Variants in ABCC4 observed in about 807,000 individuals in gnomAD.
ABCC4 encodes ATP-binding cassette sub-family C member 4.
A neutral mutation model predicts 168.5 loss-of-function variants in ABCC4; 102 were observed. The ratio of observed to expected loss-of-function variants is 0.61; its 90% confidence interval spans 0.52 to 0.71. ABCC4 has a LOEUF of 0.71. Among genes scored for constraint, ABCC4 ranks in the 30% least tolerant of loss-of-function variants. The probability of loss-of-function intolerance (pLI) is 0.00; values close to 1 mark genes in which losing one functional copy is unlikely to be tolerated. For synonymous variants in ABCC4, 617 were observed against 590.7 expected (o/e 1.04, Z -0.65); for missense variants, 1,402 against 1,605.8 (o/e 0.87, Z 2.17).
intron 19 of ABCC4, among the ~76,000 whole-genome samples, chr13:95,125,517 T>G (rs2035727147): frequency 7.2e-6 from 1 of 139,722 alleles, no homozygotes; most frequent in Non-Finnish European, 1.6e-5. Flanking sequence ...GGCCATAACT[T>G]GTAACAAGTA....
intron 14 of ABCC4, among the ~76,000 whole-genome samples, chr13:95,167,446 G>A (rs905801091): frequency 2.6e-5 from 4 of 152,102 alleles, no homozygotes; most frequent in Non-Finnish European, 5.9e-5. Flanking sequence ...AGCAGCTCCT[G>A]GCTAAGGCAA....
chr13:95,189,069 C>T (rs1475491772), intron 9 of ABCC4, among the ~76,000 whole-genome samples: 1 of 151,258 alleles, frequency 6.6e-6, no homozygotes, highest in Non-Finnish European at 1.5e-5. Flanking sequence ...CGACAAGCCC[C>T]GTATGTGTAA....
At chr13:95,071,421 T>C (rs539708985) in intron 25 of ABCC4, among the ~76,000 whole-genome samples, 2 of 152,158 alleles carry the variant, frequency 1.3e-5, no homozygotes, top group East Asian at 1.9e-4. Context: ...CATGAGTAAT[T>C]AGGTATCAAA....
chr13:95,063,418 T>C (rs1376360807), intron 25 of ABCC4, among the ~76,000 whole-genome samples: 2 of 151,838 alleles, frequency 1.3e-5, no homozygotes, highest in African/African-American at 4.9e-5. Context: ...AGATAACATA[T>C]TCTTTGGTAG....
At chr13:95,271,435 C>A (rs2040844879) in intron 1 of ABCC4, among the ~76,000 whole-genome samples, 1 of 152,118 alleles carries the variant, frequency 6.6e-6, no homozygotes, top group South Asian at 2.1e-4. Flanking sequence ...TCGCAGAGGT[C>A]CCCGTCAGCT....
intron 20 of ABCC4, chr13:95,096,161 A>G: frequency 1.5e-6 from 1 of 645,784 alleles, no homozygotes; most frequent in Non-Finnish European, 2.8e-6. Flanking sequence ...AGCCAGGACA[A>G]CACAGCGAGA....
intron 20 of ABCC4, among the ~76,000 whole-genome samples, chr13:95,104,126 T>C (rs1259383717): frequency 6.8e-6 from 1 of 148,014 alleles, no homozygotes; most frequent in Non-Finnish European, 1.5e-5. Flanking sequence ...GGTTTTTTTG[T>C]TGTTGTTGTT....
At chr13:95,205,702 C>A (rs1044486513) in intron 8 of ABCC4, among the ~76,000 whole-genome samples, 3 of 152,216 alleles carry the variant, frequency 2.0e-5, no homozygotes, top group South Asian at 4.1e-4. Flanking sequence ...GTTGGAAGTT[C>A]ACCCCAGCAT....
At position 95,132,538 on chromosome 13, in the gene ABCC4, T is replaced by A. The variant is rs569982358; in HGVS notation, c.2456-16537A>T. On this transcript the variant is annotated intron_variant, in intron 19 of 30. Coordinates refer to ENST00000645237, the MANE Select transcript of ABCC4 (RefSeq NM_005845.5). The stretch of plus-strand genomic sequence containing the variant: ...GGCCCTCCCATTTAATTTTAAATCA[T>A]CCCTAGATTACTTATAATGCCTAAA... 1.3e-4 allele frequency among the ~76,000 whole-genome samples: 20 copies of A among 152,266 alleles called. No homozygotes were observed. The East Asian group carries it at 1.5e-3, about 12-fold the overall frequency.
chr13:95,266,129 T>A (rs2040666875), intron 1 of ABCC4: 1 of 152,182 alleles, frequency 6.6e-6, no homozygotes, highest in South Asian at 2.1e-4. Flanking sequence ...GGTAAAGAAT[T>A]GAATGTTATT....
At chr13:95,183,278 G>A (rs1030021846) in intron 11 of ABCC4, among the ~76,000 whole-genome samples, 5 of 152,108 alleles carry the variant, frequency 3.3e-5, no homozygotes, top group Non-Finnish European at 7.4e-5. Context: ...AATAAGAAAT[G>A]AAACAGAGGC....
intron 15 of ABCC4, 45 bp downstream of exon 15, chr13:95,166,113 A>G (rs1282277781): frequency 2.0e-6 from 3 of 1,513,652 alleles, no homozygotes; most frequent in Non-Finnish European, 2.8e-6. Flanking sequence ...AAGGCCATTA[A>G]CAGTGAACAA....
At position 95,164,040 on chromosome 13, in the gene ABCC4, C is replaced by CAAAAA. The variant is rs764381643; in HGVS notation, c.2175+333_2175+337dup. 4.3e-4 allele frequency among the ~76,000 whole-genome samples: 32 copies of CAAAAA among 74,694 alleles called. 1 individual carries two copies. Among genetic ancestry groups the CAAAAA allele is most frequent in the African/African-American group, 9.2e-4 (22 of 23,934 alleles). 49.0% of individuals were successfully genotyped at this position (74,694 alleles called of 152,430 possible). ...TGGGCAACAGAGCAAAACTCCATCT[C>CAAAAA]AAAAAAAAAAAAAAAAAGAAAGAAA... is the stretch of plus-strand genomic sequence containing the variant. On this transcript the variant is annotated intron_variant, in intron 16 of 30. Transcript: ENST00000645237.
intron 30 of ABCC4, among the ~76,000 whole-genome samples, chr13:95,028,468 C>T (rs1275769970): frequency 6.6e-6 from 1 of 151,922 alleles, no homozygotes; most frequent in African/African-American, 2.4e-5. Context: ...AAAAAACAAA[C>T]CGCTACCACC....
In ABCC4 at chr13:95,150,854, A is replaced by G. The variant is rs915335084; in HGVS notation, c.2455+10335T>C. 2.0e-5 allele frequency among the ~76,000 whole-genome samples: 3 copies of G among 152,312 alleles called. No homozygotes were observed. In the South Asian group the frequency reaches 6.2e-4, roughly 32 times the overall value. ...AGAAAAGCATCTAGGCCCAGTCAAG[A>G]GTCTAGCTAGAAATTGTTGTGAGTC... On this transcript the variant is annotated intron_variant, in intron 19 of 30. Transcript: ENST00000645237.
chr13:95,238,195 G>GAAAA (rs10644641), intron 3 of ABCC4, among the ~76,000 whole-genome samples: 52 of 65,612 alleles, frequency 7.9e-4, no homozygotes, highest in African/African-American at 1.5e-3. Context: ...CTCCATCTCA[G>GAAAA]AAAAAAAAAA....
At chr13:95,244,686 T>C (rs192438218) in intron 3 of ABCC4, among the ~76,000 whole-genome samples, 2 of 141,616 alleles carry the variant, frequency 1.4e-5, no homozygotes, top group Non-Finnish European at 3.1e-5. Flanking sequence ...TAGCAGTTCC[T>C]GGTACATAGT....
chr13:95,245,019 G>A (rs955274322), intron 3 of ABCC4, among the ~76,000 whole-genome samples: 1 of 152,110 alleles, frequency 6.6e-6, no homozygotes, highest in Non-Finnish European at 1.5e-5. Flanking sequence ...CCAGAGTGGG[G>A]CCTGTCCTCA....
intron 14 of ABCC4, among the ~76,000 whole-genome samples, chr13:95,167,512 C>A (rs1283253270): frequency 6.6e-6 from 1 of 152,114 alleles, no homozygotes; most frequent in South Asian, 2.1e-4. Flanking sequence ...CTCCCCACCC[C>A]CAAAAGGTGG....
Sources: gnomAD v4.1 joint callset for allele counts (sites outside exome capture counted in the v4.1 genomes callset) on GRCh38, gnomAD v4.1.1 for gene constraint, MANE v1.5 for transcripts, NCBI Gene and HGNC (gene_info 2026-07-23, HGNC 2026-07-21) for gene names.